Variants in RGS7 observed in about 807,000 individuals in gnomAD.
The protein encoded by RGS7 is regulator of G protein signaling 7, also known as regulator of G-protein signaling 7.
In RGS7, 27 loss-of-function variants were observed where a neutral mutation model predicts 81.1. The ratio of observed to expected loss-of-function variants is 0.33; its 90% CI spans 0.25 to 0.46. The LOEUF (loss-of-function observed/expected upper bound fraction) is 0.46. RGS7 is among the 20% of genes least tolerant of loss of function. The pLI is 1.00. For synonymous variants in RGS7, 208 were observed against 207.7 expected (o/e 1.00, Z -0.01); for missense variants, 396 against 607.4 (o/e 0.65, Z 3.66).
In RGS7 at chr1:241,357,125, C is replaced by G. The variant is rs528859016; in HGVS notation, c.-277G>C. On this transcript the variant is annotated 5_prime_UTR_variant, in exon 1 of 19. Transcript: ENST00000440928. The stretch of plus-strand genomic sequence containing the variant: ...CCGGCAGCCGCCACTCGCGCCCGCT[C>G]CCCTGGGCCGCCTCGCTGGCTCTCT... 1 of 152,360 alleles carries G rather than the reference C, an allele frequency of 6.6e-6. No individual in the cohort carries two copies. Among genetic ancestry groups the G allele is most frequent in the African/African-American group, 2.4e-5 (1 of 41,524 alleles). The allele number at this position is 152,360 out of a possible 1,614,324, so 9.4% of individuals were successfully genotyped here.
rs185089515 is a variant in RGS7, at chr1:240,808,111, G to A, written c.1083-1785C>T. ...AGTGTTGAAATTAACATATGCTCAG[G>A]CAAGTTCATGCCAGCACACTCTGAA... On this transcript the variant is annotated intron_variant, in intron 14 of 18. Coordinates refer to ENST00000440928, the MANE Select transcript of RGS7 (RefSeq NM_001364886.1). Among the ~76,000 whole-genome samples, 227 of 151,502 alleles carry A rather than the reference G, an allele frequency of 1.5e-3. 1 individual carries two copies. The highest frequency in any genetic ancestry group is 4.8e-3 in the Admixed American group (73 of 15,222).
At chr1:241,272,156 G>T (rs1024053294) in intron 2 of RGS7, among the ~76,000 whole-genome samples, 4 of 152,010 alleles carry the variant, frequency 2.6e-5, no homozygotes, top group South Asian at 4.2e-4. Context: ...ACCACGCCTG[G>T]CTAATTTTTT....
intron 2 of RGS7, among the ~76,000 whole-genome samples, chr1:241,209,087 C>T (rs994946746): frequency 1.3e-5 from 2 of 152,040 alleles, no homozygotes; most frequent in African/African-American, 4.8e-5. Flanking sequence ...AGTGTCTGTT[C>T]CCAAAGAAAA....
intron 10 of RGS7, among the ~76,000 whole-genome samples, chr1:240,821,366 C>T (rs1691767786): frequency 6.6e-6 from 1 of 152,184 alleles, no homozygotes; most frequent in South Asian, 2.1e-4. Flanking sequence ...ACAGGAGAAT[C>T]ACTTGAACCT....
chr1:241,016,758 G>A (rs1467577195), intron 3 of RGS7, among the ~76,000 whole-genome samples: 1 of 152,078 alleles, frequency 6.6e-6, no homozygotes, highest in Non-Finnish European at 1.5e-5. Context: ...GCATATTGTG[G>A]TCTAATTTTT....
At chr1:240,990,942 G>T (rs977498541) in intron 3 of RGS7, among the ~76,000 whole-genome samples, 7 of 152,192 alleles carry the variant, frequency 4.6e-5, no homozygotes, top group Admixed American at 3.3e-4. Flanking sequence ...TTTCTAGGTT[G>T]TTGCTCTTTA....
intron 2 of RGS7, among the ~76,000 whole-genome samples, chr1:241,174,323 A>G (rs1009048919): frequency 3.3e-5 from 5 of 152,240 alleles, no homozygotes; most frequent in African/African-American, 9.6e-5. Flanking sequence ...TGTTACAACC[A>G]GAATCAGGAT....
intron 3 of RGS7, among the ~76,000 whole-genome samples, chr1:241,017,137 A>C (rs1039782168): frequency 6.6e-6 from 1 of 152,176 alleles, no homozygotes; most frequent in East Asian, 1.9e-4. Context: ...CTTCCCTTGC[A>C]GCATTGCTGT....
At chr1:241,192,159 G>GGTGTGTGTGTGTGTGTGTGT (rs58714151) in intron 2 of RGS7, among the ~76,000 whole-genome samples, 164 of 121,988 alleles carry the variant, frequency 1.3e-3, no homozygotes, top group Middle Eastern at 4.9e-3. Context: ...AGAGAAAACA[G>GGTGTGTGTGTGTGTGTGTGT]GTGTGTGTGT....
intron 4 of RGS7, among the ~76,000 whole-genome samples, chr1:240,951,526 G>A (rs1679556334): frequency 6.6e-6 from 1 of 152,072 alleles, no homozygotes; most frequent in Non-Finnish European, 1.5e-5. Context: ...TCATTAGCAG[G>A]CTACACAACT....
chr1:240,793,488 T>C (rs1000792926), intron 18 of RGS7, among the ~76,000 whole-genome samples: 1 of 151,244 alleles, frequency 6.6e-6, no homozygotes, highest in Non-Finnish European at 1.5e-5. Context: ...AAATAGTTCA[T>C]CTTTGAGCAG....
intron 2 of RGS7, among the ~76,000 whole-genome samples, chr1:241,182,825 T>TTTG (rs2071747670): frequency 2.0e-5 from 3 of 149,996 alleles, no homozygotes; most frequent in East Asian, 2.0e-4. Flanking sequence ...ATTTTTCGGT[T>TTTG]TTTGTTTGTT....
intron 2 of RGS7, among the ~76,000 whole-genome samples, chr1:241,141,775 C>T (rs1238956650): frequency 6.6e-6 from 1 of 152,134 alleles, no homozygotes; most frequent in African/African-American, 2.4e-5. Flanking sequence ...ATCATTATGC[C>T]CCTGGCCCCT....
intron 2 of RGS7, among the ~76,000 whole-genome samples, chr1:241,327,012 A>G (rs1458272468): frequency 1.4e-3 from 1 of 738 alleles, no homozygotes. Flanking sequence ...GGAAGGAAGG[A>G]AGGAAGGAAG....
intron 3 of RGS7, among the ~76,000 whole-genome samples, chr1:240,989,146 G>A (rs1014778169): frequency 2.0e-5 from 3 of 151,794 alleles, no homozygotes; most frequent in African/African-American, 7.3e-5. Flanking sequence ...AATGTATTAA[G>A]ATACCCAATC....
chr1:241,218,332 G>A (rs73132755), intron 2 of RGS7, among the ~76,000 whole-genome samples: 2,190 of 152,206 alleles, frequency 0.014, 58 homozygotes, highest in African/African-American at 0.05. Context: ...CCTGTCAAAC[G>A]GAGCCCCCAG....
At chr1:240,930,873 G>T in intron 5 of RGS7, 105 bp from the exon 6 acceptor site, 2 of 1,125,816 alleles carry the variant, frequency 1.8e-6, no homozygotes, top group Non-Finnish European at 1.4e-6. Flanking sequence ...ATATTAGTTT[G>T]CTATATGTTT....
At chr1:241,265,720 G>C (rs1255554080) in intron 2 of RGS7, among the ~76,000 whole-genome samples, 1 of 148,174 alleles carries the variant, frequency 6.7e-6, no homozygotes, top group Non-Finnish European at 1.5e-5. Flanking sequence ...TACTCAGATT[G>C]AATCATGGGA....
intron 2 of RGS7, among the ~76,000 whole-genome samples, chr1:241,114,186 A>G (rs1475856641): frequency 6.6e-6 from 1 of 152,124 alleles, no homozygotes; most frequent in Non-Finnish European, 1.5e-5. Context: ...TCAGGCAATG[A>G]CAACCAGCTT....
Sources: allele counts gnomAD v4.1 joint callset (sites outside exome capture counted in the v4.1 genomes callset), GRCh38; gene constraint gnomAD v4.1.1; transcripts MANE v1.5; gene names NCBI Gene and HGNC (gene_info 2026-07-23, HGNC 2026-07-21).